Variants in YIPF4 observed in about 807,000 individuals in gnomAD.
YIPF4 encodes the protein Yip1 domain family member 4.
Under a neutral mutation model 29.4 loss-of-function variants are expected in YIPF4, and 18 were observed. That is an observed-to-expected ratio of 0.61 (90% CI 0.42 to 0.91). The LOEUF (loss-of-function observed/expected upper bound fraction) is 0.91. YIPF4 is among the 40% of genes least tolerant of loss of function. The probability of loss-of-function intolerance (pLI) is 0.00; values close to 1 mark genes in which losing one functional copy is unlikely to be tolerated. For synonymous variants in YIPF4, 115 were observed against 104.7 expected (o/e 1.10, Z -0.60); for missense variants, 279 against 282.7 (o/e 0.99, Z 0.09).
In YIPF4 at chr2:32,306,186, T is replaced by A; in HGVS notation, c.*560T>A. On this transcript the variant is annotated 3_prime_UTR_variant, in exon 6 of 6. Transcript: ENST00000238831. Reference sequence around the variant, plus strand: ...TTTTTATTTAAAAATTTAAATTTGTTTTTAAAATTGTATATAGTTTTTAAA... The same window carrying A: ...TTTTTATTTAAAAATTTAAATTTGTATTTAAAATTGTATATAGTTTTTAAA... 1.2e-6 allele frequency: 1 copy of A among 865,298 alleles called. No homozygotes were observed. The highest frequency in any genetic ancestry group is 1.4e-6 in the Non-Finnish European group (1 of 720,574). The allele number at this position is 865,298 out of a possible 1,614,324, so 53.6% of individuals were successfully genotyped here. A position where few individuals can be genotyped will look rare whatever the true frequency, so the allele number is the denominator to read the frequency against.
intron 4 of YIPF4, among the ~76,000 whole-genome samples, chr2:32,298,889 T>A (rs187506981): frequency 1.3e-3 from 200 of 151,930 alleles, no homozygotes; most frequent in African/African-American, 4.0e-3. Flanking sequence ...TATTATTATT[T>A]TTTTTTGAGA....
Position 32,284,870 on chromosome 2 carries a change from G to C in YIPF4, c.80-5613G>C, listed in dbSNP as rs538939147. ...GGGTATAGAGTCCAGATTGAGAGGA[G>C]AGCAGGTAAGTGGGCCTGGATAAGA... is the stretch of plus-strand genomic sequence containing the variant. On this transcript the variant is annotated intron_variant, in intron 1 of 5. Coordinates refer to ENST00000238831, the MANE Select transcript of YIPF4 (RefSeq NM_032312.4). Among the ~76,000 whole-genome samples the C allele has an allele frequency of 5.3e-5, 8 of 152,288 alleles. No homozygotes were observed. The South Asian group carries it at 1.4e-3, about 28-fold the overall frequency.
chr2:32,292,815 G>A (rs1193877695), intron 3 of YIPF4, among the ~76,000 whole-genome samples: 1 of 133,510 alleles, frequency 7.5e-6, no homozygotes, highest in Non-Finnish European at 1.5e-5. Context: ...AGTGAGCCAA[G>A]ATCACGCCAC....
intron 4 of YIPF4, among the ~76,000 whole-genome samples, chr2:32,299,777 A>G (rs868267863): frequency 1.3e-5 from 2 of 152,122 alleles, no homozygotes; most frequent in Admixed American, 1.3e-4. Flanking sequence ...GTGCCACTGC[A>G]CTGTAGCCTG....
Position 32,307,156 on chromosome 2 carries a change from A to C in YIPF4, c.*1530A>C, listed in dbSNP as rs1408814263. The C allele has an allele frequency of 7.7e-7, 1 of 1,294,116 alleles. No homozygotes were observed. The highest frequency in any genetic ancestry group is 1.0e-6 in the Non-Finnish European group (1 of 985,468). The allele number at this position is 1,294,116 out of a possible 1,614,324, so 80.2% of individuals were successfully genotyped here. On this transcript the variant is annotated 3_prime_UTR_variant, in exon 6 of 6. Transcript: ENST00000238831. ...CTAGAAGTTAGAATAATATGAAGTA[A>C]TCAGGAAATATCTATGCCTACAGAA... is the stretch of plus-strand genomic sequence containing the variant.
intron 4 of YIPF4, among the ~76,000 whole-genome samples, chr2:32,298,796 C>T (rs1407648890): frequency 3.9e-5 from 6 of 151,962 alleles, no homozygotes; most frequent in South Asian, 2.1e-4. Flanking sequence ...CAACCTCAAG[C>T]GATCTGCCTG....
rs1010871418 is a variant in YIPF4, at chr2:32,313,074, A to T, written c.*7448A>T. The T allele has an allele frequency of 3.9e-5, 6 of 152,146 alleles. No individual in the cohort carries two copies. The highest frequency in any genetic ancestry group is 1.4e-4 in the African/African-American group (6 of 41,446). The allele number at this position is 152,146 out of a possible 1,614,324, so 9.4% of individuals were successfully genotyped here. A position where few individuals can be genotyped will look rare whatever the true frequency, so the allele number is the denominator to read the frequency against. ...GCTGGGGACTCAGCCAATTAATTTC[A>T]CAAATTGTAAAACTATTTCAAGAAA... On this transcript the variant is annotated 3_prime_UTR_variant, in exon 6 of 6. Transcript: ENST00000238831.
At chr2:32,298,141 C>T (rs1035996029) in intron 3 of YIPF4, 93 bp from the exon 4 acceptor site, 8 of 999,148 alleles carry the variant, frequency 8.0e-6, no homozygotes, top group Non-Finnish European at 1.2e-5. Context: ...ATTGGGCATG[C>T]TAAACTGTCA....
At chr2:32,293,148 A>G (rs941214557) in intron 3 of YIPF4, among the ~76,000 whole-genome samples, 1 of 151,424 alleles carries the variant, frequency 6.6e-6, no homozygotes, top group East Asian at 1.9e-4. Flanking sequence ...GTCATAGGAC[A>G]ATAGTGGAGG....
chr2:32,282,404 T>C (rs924159626), intron 1 of YIPF4, among the ~76,000 whole-genome samples: 15 of 152,230 alleles, frequency 9.9e-5, no homozygotes, highest in African/African-American at 3.6e-4. Flanking sequence ...TTACTCTCCA[T>C]GTGATCTTGG....
intron 1 of YIPF4, among the ~76,000 whole-genome samples, chr2:32,282,435 GT>G (rs1388001482): frequency 1.3e-5 from 2 of 152,060 alleles, no homozygotes; most frequent in Non-Finnish European, 2.9e-5. Context: ...TACCTTTTTT[GT>G]TTTGTTTTGT....
At chr2:32,278,288 C>A in intron 1 of YIPF4, 54 bp downstream of exon 1, 1 of 1,496,606 alleles carries the variant, frequency 6.7e-7, no homozygotes, top group Non-Finnish European at 9.0e-7. Context: ...GGGCCCGACG[C>A]CGTAGGGTCT....
At chr2:32,278,271 G>T (rs2030203072) in intron 1 of YIPF4, 37 bp downstream of exon 1, 2 of 1,527,998 alleles carry the variant, frequency 1.3e-6, no homozygotes, top group Non-Finnish European at 1.8e-6. Flanking sequence ...TCACCCGGAG[G>T]AAGCCAGGGC....
chr2:32,297,013 G>A (rs189641338), intron 3 of YIPF4, among the ~76,000 whole-genome samples: 3 of 151,922 alleles, frequency 2.0e-5, no homozygotes, highest in Non-Finnish European at 4.4e-5. Flanking sequence ...ATTCTGTCTC[G>A]TTTCAACATA....
At chr2:32,301,597 CAGTT>C in intron 5 of YIPF4, 102 bp downstream of exon 5, 9 of 725,282 alleles carry the variant, frequency 1.2e-5, no homozygotes, top group Non-Finnish European at 2.0e-5. Context: ...CTTTATCAAA[CAGTT>C]GGTAGTATTT....
In YIPF4 at chr2:32,278,146, T is replaced by A; in HGVS notation, c.-10T>A. ...CTCTTCTACCGCGGCCGGTTGGGAG[T>A]CGCCGCGAGATGCAGCCTCCGGGCC... On this transcript the variant is annotated 5_prime_UTR_variant, in exon 1 of 6. Transcript: ENST00000238831. 1 of 1,549,742 alleles carries A rather than the reference T, an allele frequency of 6.5e-7. No homozygotes were observed. Among genetic ancestry groups the A allele is most frequent in the East Asian group, 2.5e-5 (1 of 40,564 alleles).
chr2:32,302,121 C>T (rs1015885308), intron 5 of YIPF4, among the ~76,000 whole-genome samples: 1 of 151,312 alleles, frequency 6.6e-6, no homozygotes, highest in Admixed American at 6.6e-5. Flanking sequence ...ACCTCTGCCT[C>T]CTGGGTTCAA....
At chr2:32,294,020 G>A (rs1409265427) in intron 3 of YIPF4, among the ~76,000 whole-genome samples, 1 of 149,248 alleles carries the variant, frequency 6.7e-6, no homozygotes, top group African/African-American at 2.5e-5. Flanking sequence ...TCCCGGACAG[G>A]GCGGCTGGCC....
chr2:32,279,072 A>AT (rs1261341196), intron 1 of YIPF4, among the ~76,000 whole-genome samples: 1 of 149,900 alleles, frequency 6.7e-6, no homozygotes, highest in African/African-American at 2.5e-5. Flanking sequence ...GGTTCACGCC[A>AT]TTCTCCTGCC....
Sources: gnomAD v4.1 joint callset for allele counts (sites outside exome capture counted in the v4.1 genomes callset) on GRCh38, gnomAD v4.1.1 for gene constraint, MANE v1.5 for transcripts, NCBI Gene and HGNC (gene_info 2026-07-23, HGNC 2026-07-21) for gene names.